CCNH: variants seen among roughly 807,000 people sequenced by gnomAD.
The protein encoded by CCNH is cyclin-H.
CCNH carries 31 observed loss-of-function variants against 41.9 expected under a neutral mutation model. The observed-to-expected ratio is 0.74, with a 90% CI of 0.56 to 1.00. CCNH has a LOEUF of 1.00. Ranked by LOEUF, CCNH falls within the 50% of genes least tolerant of loss-of-function variation. The pLI is 0.00. For synonymous variants in CCNH, 138 were observed against 136.1 expected, an observed-to-expected ratio of 1.01 and a Z score of -0.10; for missense variants, 362 against 388.4, an observed-to-expected ratio of 0.93 and a Z score of 0.57.
At chr5:87,354,099 ACATGGCTATAG>A (rs1759476162) in intron 9 of CCNH, among the ~76,000 whole-genome samples, 1 of 151,936 alleles carries the variant, frequency 6.6e-6, no homozygotes, top group African/African-American at 2.4e-5. Flanking sequence ...AATTCATTTC[ACATGGCTATAG>A]CTACTACTTA....
intron 9 of CCNH, chr5:87,349,156 A>C: frequency 6.3e-7 from 1 of 1,578,362 alleles, no homozygotes. Context: ...AATACTACTT[A>C]ACATCTTTTC....
At chr5:87,323,435 C>T (rs1242430577) in intron 9 of CCNH, among the ~76,000 whole-genome samples, 1 of 152,002 alleles carries the variant, frequency 6.6e-6, no homozygotes, top group African/African-American at 2.4e-5. Context: ...AATGCCTGTT[C>T]CCCTGCCCTG....
chr5:87,347,576 A>G (rs1189603547), intron 9 of CCNH, among the ~76,000 whole-genome samples: 3 of 152,018 alleles, frequency 2.0e-5, no homozygotes, highest in Admixed American at 6.6e-5. Flanking sequence ...TGATAACCCT[A>G]ATTATAGAGG....
At chr5:87,336,328 A>G (rs893678764) in intron 9 of CCNH, among the ~76,000 whole-genome samples, 1 of 152,092 alleles carries the variant, frequency 6.6e-6, no homozygotes, top group Non-Finnish European at 1.5e-5. Flanking sequence ...GCCATTTAGG[A>G]TGTCATTTTT....
chr5:87,395,047 C>A lies in CCNH; in HGVS notation c.930G>T (p.Glu310Asp), dbSNP rs1345175979. Residue 310 changes from glutamate (E) to aspartate (D), a missense_variant, in exon 8 of 9, where the codon GAG becomes GAT. Glu to Asp is a conservative substitution (Grantham distance 45). Coordinates refer to ENST00000256897, the MANE Select transcript of CCNH (RefSeq NM_001239.4). Reference sequence around the variant, plus strand: ...TCATCTTTGGAGTAAAACATACCTCCTCATGTTTGGATTTCTTTGAGACGT... The same window carrying A: ...TCATCTTTGGAGTAAAACATACCTCATCATGTTTGGATTTCTTTGAGACGT... ...DDYVSKKSKH[E>D]EEEWTDDDLV... 2 of 1,609,058 alleles carry A rather than the reference C, an allele frequency of 1.2e-6. No homozygotes were observed. The highest frequency in any genetic ancestry group is 3.3e-5 in the Admixed American group (2 of 60,006).
chr5:87,336,720 T>C (rs1758000584), intron 9 of CCNH, among the ~76,000 whole-genome samples: 1 of 152,132 alleles, frequency 6.6e-6, no homozygotes. Context: ...CCAGTTCATG[T>C]GCACCCTCCT....
intron 8 of CCNH, chr5:87,394,738 A>T (rs3093853): frequency 0.03 from 39,533 of 1,326,052 alleles, 727 homozygotes; most frequent in Non-Finnish European, 0.035. Context: ...CAGATAGAAA[A>T]TTTTTTTTAA....
At chr5:87,357,749 C>G (rs1167961391) in intron 9 of CCNH, among the ~76,000 whole-genome samples, 3 of 152,032 alleles carry the variant, frequency 2.0e-5, no homozygotes, top group Non-Finnish European at 4.4e-5. Context: ...AATAAACTTG[C>G]AGTATGTGTT....
chr5:87,348,632 A>G (rs1759032777), intron 9 of CCNH, among the ~76,000 whole-genome samples: 1 of 151,236 alleles, frequency 6.6e-6, no homozygotes, highest in African/African-American at 2.4e-5. Flanking sequence ...TACAGTTATT[A>G]CTTTTTAATT....
At chr5:87,376,043 C>CA (rs1761304623), downstream of CCNH, among the ~76,000 whole-genome samples, 1 of 152,276 alleles carries the variant, frequency 6.6e-6, no homozygotes, top group African/African-American at 2.4e-5. Flanking sequence ...TTCACCTCCA[C>CA]AGGCTGAATT....
At chr5:87,361,450 A>G (rs998411776) in intron 9 of CCNH, among the ~76,000 whole-genome samples, 1 of 152,228 alleles carries the variant, frequency 6.6e-6, no homozygotes, top group Non-Finnish European at 1.5e-5. Flanking sequence ...TAGATTTATA[A>G]GAGGATTGAA....
chr5:87,363,629 A>G, intron 9 of CCNH: 1 of 1,084,248 alleles, frequency 9.2e-7, no homozygotes, highest in Non-Finnish European at 1.4e-6. Context: ...CTTTCTAGGT[A>G]ATTTTTGCCT....
downstream of CCNH, among the ~76,000 whole-genome samples, chr5:87,375,937 T>C (rs547480624): frequency 5.3e-5 from 8 of 152,346 alleles, no homozygotes; most frequent in Non-Finnish European, 1.2e-4. Context: ...CCATACCTTA[T>C]ATTTGAAGTG....
intron 9 of CCNH, among the ~76,000 whole-genome samples, chr5:87,333,587 CAAAGT>C (rs1184777803): frequency 7.2e-5 from 11 of 152,100 alleles, no homozygotes; most frequent in Non-Finnish European, 1.3e-4. Flanking sequence ...CTGTCTCTCA[CAAAGT>C]AAGGAGAGTT....
intron 9 of CCNH, chr5:87,346,593 A>G (rs936729487): frequency 1.7e-5 from 14 of 829,768 alleles, no homozygotes; most frequent in Non-Finnish European, 2.8e-5. Context: ...TAAACTTACT[A>G]TATTGGTTGT....
chr5:87,377,068 C>T, exon 1 of CCNH: 1 of 1,600,124 alleles, frequency 6.2e-7, no homozygotes, highest in East Asian at 2.2e-5. Context: ...TAGTGTGATA[C>T]AAGAAACTGG....
chr5:87,331,079 G>A, intron 9 of CCNH: 2 of 1,002,716 alleles, frequency 2.0e-6, no homozygotes, highest in Non-Finnish European at 2.8e-6. Flanking sequence ...AGGCAATCCT[G>A]GAAGTAGGGA....
downstream of CCNH, among the ~76,000 whole-genome samples, chr5:87,314,817 A>G (rs982614849): frequency 1.3e-5 from 2 of 152,140 alleles, no homozygotes; most frequent in African/African-American, 4.8e-5. Flanking sequence ...TGGAAATGCA[A>G]TTCTGTCTTT....
rs145568735 is a variant in CCNH, at chr5:87,325,408, A to G, written c.*91-6511T>C. On this transcript the variant is annotated intron_variant and NMD_transcript_variant, in intron 9 of 9. Coordinates refer to the CCNH transcript ENST00000645953. ...TACAAATAAATATGGGAGCTTAAGA[A>G]GATTTTTATGTTTTAGCAAATGCAT... Among the ~76,000 whole-genome samples the G allele has an allele frequency of 5.1e-3, 775 of 152,360 alleles. 10 individuals carry two copies. Among genetic ancestry groups the G allele is most frequent in the African/African-American group, 0.018 (739 of 41,588 alleles).
Sources: gnomAD v4.1 joint callset for allele counts (sites outside exome capture counted in the v4.1 genomes callset) on GRCh38, gnomAD v4.1.1 for gene constraint, MANE v1.5 for transcripts, NCBI Gene and HGNC (gene_info 2026-07-23, HGNC 2026-07-21) for gene names.